OR4K2: variants seen among roughly 807,000 people sequenced by gnomAD.
OR4K2 encodes the protein olfactory receptor family 4 subfamily K member 2.
In OR4K2, 8 loss-of-function variants were observed where a neutral mutation model predicts 10.5. That is an observed-to-expected ratio of 0.76 (90% CI 0.45 to 1.37). OR4K2 has a LOEUF of 1.37. Ranked by LOEUF, OR4K2 falls within the 40% of genes most tolerant of loss-of-function variation. The probability of loss-of-function intolerance (pLI) is 0.00; values close to 1 mark genes in which losing one functional copy is unlikely to be tolerated. For missense variants in OR4K2, 547 were observed against 379.5 expected, an observed-to-expected ratio of 1.44 and a Z score of -3.67; for synonymous variants, 178 against 133.6, an observed-to-expected ratio of 1.33 and a Z score of -2.29.
rs2138533732 is a variant in OR4K2, at chr14:19,880,187, C to T, written c.*2975C>T. Reference sequence around the variant, plus strand: ...TTGGACACCCCTGCATTAAAAGGCTCTGCAGAATCTGAAGTCTAATGTGTA... The same window carrying T: ...TTGGACACCCCTGCATTAAAAGGCTTTGCAGAATCTGAAGTCTAATGTGTA... On this transcript the variant is annotated 3_prime_UTR_variant, in exon 2 of 2. Transcript: ENST00000641885. 6.5e-6 allele frequency: 1 copy of T among 152,888 alleles called. No homozygotes were observed. The highest frequency in any genetic ancestry group is 1.9e-4 in the South Asian group (1 of 5,372). 9.5% of individuals were successfully genotyped at this position (152,888 alleles called of 1,614,324 possible).
rs1177705183 is a variant in OR4K2, at chr14:19,880,506, T to C, written c.*3294T>C. ...CTTGATAGTCTCTTGAGCTAACACTTGACTTGTTTAATTTAAAAGGTAAAT... is the reference window on the plus strand; with the variant it reads ...CTTGATAGTCTCTTGAGCTAACACTCGACTTGTTTAATTTAAAAGGTAAAT... On this transcript the variant is annotated 3_prime_UTR_variant, in exon 2 of 2. Coordinates refer to ENST00000641885, the MANE Select transcript of OR4K2 (RefSeq NM_001005501.2). The C allele has an allele frequency of 1.3e-5, 2 of 152,260 alleles. No homozygotes were observed. The highest frequency in any genetic ancestry group is 4.8e-5 in the African/African-American group (2 of 41,480). 9.4% of individuals were successfully genotyped at this position (152,260 alleles called of 1,614,324 possible).
At position 19,881,354 on chromosome 14, in the gene OR4K2, G is replaced by A. The variant is rs1294615718; in HGVS notation, c.*4142G>A. 2 of 152,228 alleles carry A rather than the reference G, an allele frequency of 1.3e-5. No homozygotes were observed. The highest frequency in any genetic ancestry group is 1.9e-4 in the East Asian group (1 of 5,198). 9.4% of individuals were successfully genotyped at this position (152,228 alleles called of 1,614,324 possible). A position where few individuals can be genotyped will look rare whatever the true frequency, so the allele number is the denominator to read the frequency against. On this transcript the variant is annotated 3_prime_UTR_variant, in exon 2 of 2. Transcript: ENST00000641885. ...TTAATGCTCTTGGTTACACCATGAG[G>A]TAAATATGCACAAATTATTCTGGAG...
rs751443657 is a variant in OR4K2, at chr14:19,876,851, T to C, written c.584T>C (p.Leu195Pro). 2.5e-6 allele frequency: 4 copies of C among 1,614,200 alleles called. No individual in the cohort carries two copies. In the Admixed American group the frequency reaches 5.0e-5, roughly 20 times the overall value. Reference protein sequence around the residue: ...FQLACVDTYVLGLFMISTSGI... With the variant: ...FQLACVDTYVPGLFMISTSGI... ...TTGGCTTGTGTGGATACTTATGTTCTGGGCCTCTTTATGATCTCAACAAGT... is the reference window on the plus strand; with the variant it reads ...TTGGCTTGTGTGGATACTTATGTTCCGGGCCTCTTTATGATCTCAACAAGT... The change falls in exon 2 of 2, where the codon CTG becomes CCG. Residue 195 changes from leucine to proline, a missense_variant. Physicochemically the swap from Leu to Pro is moderately conservative, Grantham distance 98 (BLOSUM62 -3). Coordinates refer to ENST00000641885, the MANE Select transcript of OR4K2 (RefSeq NM_001005501.2).
At chr14:19,876,214 CTTTTTTTTT>C in intron 1 of OR4K2, 22 bp from the exon 2 acceptor site, 3 of 637,892 alleles carry the variant, frequency 4.7e-6, no homozygotes, top group Non-Finnish European at 7.5e-6. Context: ...TCTGACTTTC[CTTTTTTTTT>C]TTTTTTTTTT....
In OR4K2 at chr14:19,876,284, A is replaced by G. The variant is rs1405663306; in HGVS notation, c.17A>G (p.Lys6Arg). 1.2e-6 allele frequency: 2 copies of G among 1,606,636 alleles called. No individual in the cohort carries two copies. The highest frequency in any genetic ancestry group is 1.7e-6 in the Non-Finnish European group (2 of 1,176,338). Reference protein sequence around the residue: MDVGNKSTMSEFVLLG... With the variant: MDVGNRSTMSEFVLLG... ...ATCAAGACAATGGATGTGGGCAATAAGTCTACCATGTCTGAATTTGTTTTG... is the reference window on the plus strand; with the variant it reads ...ATCAAGACAATGGATGTGGGCAATAGGTCTACCATGTCTGAATTTGTTTTG... The change falls in exon 2 of 2, where the codon AAG becomes AGG. Residue 6 changes from lysine to arginine, a missense_variant. Transcript: ENST00000641885.
rs778100427 is a variant in OR4K2, at chr14:19,876,865, A to G, written c.598A>G (p.Ile200Val). Residue 200 changes from isoleucine (I) to valine (V), a missense_variant, in exon 2 of 2, where the codon ATC becomes GTC. Ile to Val is a conservative substitution (Grantham distance 29). Transcript: ENST00000641885. ...TACTTATGTTCTGGGCCTCTTTATG[A>G]TCTCAACAAGTGGCATAATTGCGTT... ...VDTYVLGLFM[I>V]STSGIIALSC... 2 of 1,614,146 alleles carry G rather than the reference A, an allele frequency of 1.2e-6. No individual in the cohort carries two copies. The highest frequency in any genetic ancestry group is 2.2e-5 in the South Asian group (2 of 91,080).
Position 19,875,733 on chromosome 14 carries a change from G to A in OR4K2, c.-425G>A, listed in dbSNP as rs1880877699. ...GGAATACTTTAACAGTTCATCTCTG[G>A]AAATTTACAAGAGCTCTACAACTGT... On this transcript the variant is annotated 5_prime_UTR_variant, in exon 1 of 2. Coordinates refer to ENST00000641885, the MANE Select transcript of OR4K2 (RefSeq NM_001005501.2). The A allele has an allele frequency of 6.6e-6, 1 of 152,562 alleles. No homozygotes were observed. The highest frequency in any genetic ancestry group is 1.5e-5 in the Non-Finnish European group (1 of 68,296). 9.5% of individuals were successfully genotyped at this position (152,562 alleles called of 1,614,324 possible).
rs75092316 is a variant in OR4K2, at chr14:19,882,232, A to G, written c.*5020A>G. ...ACATCTCATCATCATCTTGCTCACC[A>G]GCGGCAATTATATCAGTAGATCCCT... On this transcript the variant is annotated 3_prime_UTR_variant, in exon 2 of 2. Coordinates refer to ENST00000641885, the MANE Select transcript of OR4K2 (RefSeq NM_001005501.2). The G allele has an allele frequency of 9.8e-3, 1,498 of 152,216 alleles. 2 individuals are homozygous for G. The highest frequency in any genetic ancestry group is 0.014 in the Non-Finnish European group (962 of 67,964). The allele number at this position is 152,216 out of a possible 1,614,324, so 9.4% of individuals were successfully genotyped here. A position where few individuals can be genotyped will look rare whatever the true frequency, so the allele number is the denominator to read the frequency against.
chr14:19,876,390 T>TA lies in OR4K2; in HGVS notation c.125dup (p.Asn42LysfsTer29). The TA allele has an allele frequency of 6.2e-7, 1 of 1,614,084 alleles. No individual in the cohort carries two copies. The highest frequency in any genetic ancestry group is 8.5e-7 in the Non-Finnish European group (1 of 1,179,936). On this transcript the variant is annotated frameshift_variant, in exon 2 of 2. Transcript: ENST00000641885. LOFTEE classifies it high-confidence loss of function. Reference sequence around the variant, plus strand: ...TGCTTTATGTGGCAACAATGGTGGGTAACAGCCTCATAGTCATCACAGTTA... The same window carrying TA: ...TGCTTTATGTGGCAACAATGGTGGGTAAACAGCCTCATAGTCATCACAGTTA...
In OR4K2 at chr14:19,880,577, G is replaced by A. The variant is rs1298225094; in HGVS notation, c.*3365G>A. The A allele has an allele frequency of 6.6e-6, 1 of 152,206 alleles. No homozygotes were observed. The allele number at this position is 152,206 out of a possible 1,614,324, so 9.4% of individuals were successfully genotyped here. On this transcript the variant is annotated 3_prime_UTR_variant, in exon 2 of 2. Coordinates refer to ENST00000641885, the MANE Select transcript of OR4K2 (RefSeq NM_001005501.2). ...TATTCATGTCTGTATATGTGTGTCA[G>A]TATTAATTTGAAAAATTAAAAGTAA... is the stretch of plus-strand genomic sequence containing the variant.
chr14:19,876,476 A>G lies in OR4K2; in HGVS notation c.209A>G (p.Asp70Gly), dbSNP rs1469706113. 3.1e-6 allele frequency: 5 copies of G among 1,614,020 alleles called. No individual in the cohort carries two copies. Among genetic ancestry groups the G allele is most frequent in the Non-Finnish European group, 4.2e-6 (5 of 1,179,988 alleles). The change falls in exon 2 of 2, where the codon GAT becomes GGT. Residue 70 changes from aspartate to glycine, a missense_variant. Physicochemically the swap from Asp to Gly is moderately conservative, Grantham distance 94 (BLOSUM62 -1). Coordinates refer to ENST00000641885, the MANE Select transcript of OR4K2 (RefSeq NM_001005501.2). ...CTGCTTACCAATCTTTCAATCATTG[A>G]TATGTCTCTTGCTTCTTTCGCCACC... ...YFLLTNLSII[D>G]MSLASFATPK...
In OR4K2 at chr14:19,877,276, C is replaced by A; in HGVS notation, c.*64C>A. The A allele has an allele frequency of 8.4e-7, 1 of 1,193,706 alleles. No homozygotes were observed. Among genetic ancestry groups the A allele is most frequent in the Non-Finnish European group, 1.2e-6 (1 of 858,658 alleles). The allele number at this position is 1,193,706 out of a possible 1,614,324, so 73.9% of individuals were successfully genotyped here. ...GGCTTTTCTTTCTAGAGGGTTCTTA[C>A]CAAATTGTAATTGCCAAGAATTTGT... On this transcript the variant is annotated 3_prime_UTR_variant, in exon 2 of 2. Coordinates refer to ENST00000641885, the MANE Select transcript of OR4K2 (RefSeq NM_001005501.2).
In OR4K2 at chr14:19,876,963, A is replaced by G. The variant is rs1409413800; in HGVS notation, c.696A>G (p.Gly232=). Residue 232 remains glycine (G), a synonymous_variant, in exon 2 of 2, where the codon GGA becomes GGG. Transcript: ENST00000641885. ...LVTVKHHSSR[G]SSKALSTCTA... is the part of the protein sequence containing the mutation. ...CTGTGAAGCATCATTCTTCCAGAGGATCATCTAAGGCCCTTTCTACTTGTA... is the reference window on the plus strand; with the variant it reads ...CTGTGAAGCATCATTCTTCCAGAGGGTCATCTAAGGCCCTTTCTACTTGTA... 6 of 1,613,992 alleles carry G rather than the reference A, an allele frequency of 3.7e-6. No individual in the cohort carries two copies. In the East Asian group the frequency reaches 1.3e-4, roughly 36 times the overall value.
In OR4K2 at chr14:19,882,986, C is replaced by CCCCACG. The variant is rs1170359497; in HGVS notation, c.*5776_*5777insCACGCC. The CCCCACG allele has an allele frequency of 2.6e-5, 4 of 152,458 alleles. No individual in the cohort carries two copies. Among genetic ancestry groups the CCCCACG allele is most frequent in the African/African-American group, 9.7e-5 (4 of 41,400 alleles). The allele number at this position is 152,458 out of a possible 1,614,324, so 9.4% of individuals were successfully genotyped here. ...GGGACTACAGGCGCCCGCCACCACG[C>CCCCACG]CCAGCTAATTTTTTGTATTTTTAGT... is the stretch of plus-strand genomic sequence containing the variant. On this transcript the variant is annotated 3_prime_UTR_variant, in exon 2 of 2. Coordinates refer to ENST00000641885, the MANE Select transcript of OR4K2 (RefSeq NM_001005501.2).
Position 19,876,395 on chromosome 14 carries a change from GC to G in OR4K2, c.130del (p.Leu44SerfsTer2). On this transcript the variant is annotated frameshift_variant, in exon 2 of 2. Transcript: ENST00000641885. LOFTEE classifies it high-confidence loss of function. ...LLYVATMVGN[S>X]LIVITVIVDP... ...TATGTGGCAACAATGGTGGGTAACA[GC>G]CTCATAGTCATCACAGTTATAGTGG... The G allele has an allele frequency of 6.2e-7, 1 of 1,614,050 alleles. No homozygotes were observed. The highest frequency in any genetic ancestry group is 2.2e-5 in the East Asian group (1 of 44,888).
Position 19,879,206 on chromosome 14 carries a change from G to T in OR4K2, c.*1994G>T, listed in dbSNP as rs1030344695. The T allele has an allele frequency of 2.0e-5, 3 of 152,022 alleles. No individual in the cohort carries two copies. Among genetic ancestry groups the T allele is most frequent in the Non-Finnish European group, 4.4e-5 (3 of 68,004 alleles). 9.4% of individuals were successfully genotyped at this position (152,022 alleles called of 1,614,324 possible). ...CTTTGGAGGGCTTACATATATAAATGGAACTATCACATTTCTCGGTGGCTT... is the reference window on the plus strand; with the variant it reads ...CTTTGGAGGGCTTACATATATAAATTGAACTATCACATTTCTCGGTGGCTT... On this transcript the variant is annotated 3_prime_UTR_variant, in exon 2 of 2. Coordinates refer to ENST00000641885, the MANE Select transcript of OR4K2 (RefSeq NM_001005501.2).
rs756068240 is a variant in OR4K2, at chr14:19,876,384, G to A, written c.117G>A (p.Met39Ile). ...TTTCATTGCTTTATGTGGCAACAAT[G>A]GTGGGTAACAGCCTCATAGTCATCA... is the stretch of plus-strand genomic sequence containing the variant. ...MVFSLLYVAT[M>I]VGNSLIVITV... The change falls in exon 2 of 2, where the codon ATG becomes ATA. Residue 39 changes from methionine (M) to isoleucine (I), a missense_variant. By Grantham distance (10) the Met-to-Ile change is conservative (BLOSUM62 1). Transcript: ENST00000641885. 14 of 1,613,896 alleles carry A rather than the reference G, an allele frequency of 8.7e-6. No homozygotes were observed. The highest frequency in any genetic ancestry group is 1.2e-5 in the Non-Finnish European group (14 of 1,179,920).
chr14:19,876,859 T>G lies in OR4K2; in HGVS notation c.592T>G (p.Phe198Val). 6.2e-7 allele frequency: 1 copy of G among 1,614,214 alleles called. No homozygotes were observed. The highest frequency in any genetic ancestry group is 8.5e-7 in the Non-Finnish European group (1 of 1,180,012). The change falls in exon 2 of 2, where the codon TTT becomes GTT. Residue 198 changes from phenylalanine (F) to valine (V), a missense_variant. By Grantham distance (50) the Phe-to-Val change is conservative (BLOSUM62 -1). Transcript: ENST00000641885. Reference sequence around the variant, plus strand: ...TGTGGATACTTATGTTCTGGGCCTCTTTATGATCTCAACAAGTGGCATAAT... The same window carrying G: ...TGTGGATACTTATGTTCTGGGCCTCGTTATGATCTCAACAAGTGGCATAAT... Reference protein sequence around the residue: ...ACVDTYVLGLFMISTSGIIAL... With the variant: ...ACVDTYVLGLVMISTSGIIAL...
chr14:19,876,322 A>G lies in OR4K2; in HGVS notation c.55A>G (p.Asn19Asp), dbSNP rs777622305. Residue 19 changes from asparagine to aspartate, a missense_variant, in exon 2 of 2, where the codon AAT becomes GAT. Asn to Asp is a conservative substitution (Grantham distance 23, BLOSUM62 1). Coordinates refer to ENST00000641885, the MANE Select transcript of OR4K2 (RefSeq NM_001005501.2). ...MSEFVLLGLS[N>D]SWELQMFFFM... is the part of the protein sequence containing the mutation. ...TGAATTTGTTTTGCTGGGGCTCTCT[A>G]ATTCCTGGGAACTACAGATGTTTTT... 3 of 1,611,646 alleles carry G rather than the reference A, an allele frequency of 1.9e-6. No individual in the cohort carries two copies. The African/African-American group carries it at 4.1e-5, about 22-fold the overall frequency.
Sources: gnomAD v4.1 joint callset for allele counts on GRCh38, gnomAD v4.1.1 for gene constraint, MANE v1.5 for transcripts, NCBI Gene and HGNC (gene_info 2026-07-23, HGNC 2026-07-21) for gene names.